Variants in HDAC9 observed in about 807,000 individuals in gnomAD.
HDAC9 encodes the protein histone deacetylase 9.
HDAC9 carries 41 observed loss-of-function variants against 139.4 expected under a neutral mutation model. The ratio of observed to expected loss-of-function variants is 0.29; its 90% CI spans 0.23 to 0.38. The LOEUF is 0.38. Ranked by LOEUF, HDAC9 falls within the 10% of genes least tolerant of loss-of-function variation. The probability of loss-of-function intolerance (pLI) is 1.00; values close to 1 mark genes in which losing one functional copy is unlikely to be tolerated. For synonymous variants in HDAC9, 517 were observed against 476.2 expected, an observed-to-expected ratio of 1.09 and a Z score of -1.12; for missense variants, 1,147 against 1,297.0, an observed-to-expected ratio of 0.88 and a Z score of 1.78.
intron 2 of HDAC9, among the ~76,000 whole-genome samples, chr7:18,218,358 C>T (rs1363649730): frequency 1.3e-5 from 2 of 152,062 alleles, no homozygotes; most frequent in East Asian, 1.9e-4. Flanking sequence ...GCATAAGAAC[C>T]ACTTGAACCT....
At position 18,725,829 on chromosome 7, in the gene HDAC9, C is replaced by A. The variant is rs148704466; in HGVS notation, c.1732-1751C>A. ...TGCTGTGTCCTCAGAACACTGAACACAAGACACTCAAGAAAACAGGAGAGT... is the reference window on the plus strand; with the variant it reads ...TGCTGTGTCCTCAGAACACTGAACAAAAGACACTCAAGAAAACAGGAGAGT... On this transcript the variant is annotated intron_variant, in intron 12 of 25. Coordinates refer to ENST00000686413, the MANE Select transcript of HDAC9 (RefSeq NM_178425.4). 3.9e-5 allele frequency among the ~76,000 whole-genome samples: 6 copies of A among 152,236 alleles called. No homozygotes were observed. In the East Asian group the frequency reaches 1.2e-3, roughly 29 times the overall value.
At chr7:18,315,803 G>A (rs1799599474) in intron 1 of HDAC9, among the ~76,000 whole-genome samples, 1 of 152,144 alleles carries the variant, frequency 6.6e-6, no homozygotes, top group Non-Finnish European at 1.5e-5. Context: ...ACAGATCCTT[G>A]TGATGATGAC....
At chr7:18,741,283 T>C (rs1341645075) in intron 13 of HDAC9, among the ~76,000 whole-genome samples, 1 of 152,224 alleles carries the variant, frequency 6.6e-6, no homozygotes, top group South Asian at 2.1e-4. Flanking sequence ...GCTGACTCTC[T>C]TGTTAGAGGC....
intron 2 of HDAC9, among the ~76,000 whole-genome samples, chr7:18,184,244 C>T (rs762127875): frequency 1.3e-5 from 2 of 152,026 alleles, no homozygotes; most frequent in Admixed American, 6.6e-5. Flanking sequence ...ACTAAAAATA[C>T]GAAGTTAGCT....
Position 18,290,841 on chromosome 7 carries a change from G to A in HDAC9, c.-42+326G>A, listed in dbSNP as rs561528780. The stretch of plus-strand genomic sequence containing the variant: ...ACTCTGATTTTTTGAAATTTAGCCC[G>A]GAATTGTCAGCAGGGGCATTATCTA... On this transcript the variant is annotated intron_variant, in intron 1 of 3. Coordinates refer to the HDAC9 transcript ENST00000413509. 2.7e-4 allele frequency among the ~76,000 whole-genome samples: 41 copies of A among 152,236 alleles called. No individual in the cohort carries two copies. In the South Asian group the frequency reaches 6.6e-3, roughly 25 times the overall value.
intron 1 of HDAC9, among the ~76,000 whole-genome samples, chr7:18,136,961 G>A (rs1785468304): frequency 6.8e-6 from 1 of 147,488 alleles, no homozygotes; most frequent in South Asian, 2.2e-4. Flanking sequence ...CCATTTGTTT[G>A]TATCCTCTTT....
chr7:18,915,273 A>G (rs1434743654), intron 22 of HDAC9, among the ~76,000 whole-genome samples: 1 of 151,992 alleles, frequency 6.6e-6, no homozygotes, highest in Non-Finnish European at 1.5e-5. Flanking sequence ...TTTAAGGTAC[A>G]TTTTTGTCTT....
chr7:18,798,211 G>A (rs1792975626), intron 17 of HDAC9, among the ~76,000 whole-genome samples: 1 of 152,120 alleles, frequency 6.6e-6, no homozygotes, highest in African/African-American at 2.4e-5. Context: ...GTAATGCCAA[G>A]TGGAATTCCA....
At chr7:18,588,448 T>G in intron 3 of HDAC9, among the ~76,000 whole-genome samples, 1 of 152,170 alleles carries the variant, frequency 6.6e-6, no homozygotes, top group East Asian at 1.9e-4. Flanking sequence ...GTCAAAAATA[T>G]AAAATTCATT....
At chr7:18,674,966 A>G (rs1026907450) in intron 12 of HDAC9, among the ~76,000 whole-genome samples, 4 of 151,944 alleles carry the variant, frequency 2.6e-5, no homozygotes, top group Admixed American at 6.6e-5. Flanking sequence ...AATATCTAGC[A>G]TACATTTTTA....
At chr7:18,245,908 A>G (rs1201462171) in intron 2 of HDAC9, among the ~76,000 whole-genome samples, 1 of 151,888 alleles carries the variant, frequency 6.6e-6, no homozygotes, top group Admixed American at 6.6e-5. Flanking sequence ...TGTTTCCAGA[A>G]GTTAGTTACC....
chr7:18,642,034 C>T (rs1411567493), intron 8 of HDAC9, among the ~76,000 whole-genome samples: 1 of 152,070 alleles, frequency 6.6e-6, no homozygotes, highest in Non-Finnish European at 1.5e-5. Flanking sequence ...TGAAAGTCTA[C>T]ATAAATGCTA....
At chr7:18,827,992 C>A (rs954466319) in intron 17 of HDAC9, among the ~76,000 whole-genome samples, 4 of 151,934 alleles carry the variant, frequency 2.6e-5, no homozygotes, top group African/African-American at 9.7e-5. Context: ...TGTTTATCAC[C>A]ATTACTAGAT....
intron 2 of HDAC9, among the ~76,000 whole-genome samples, chr7:18,204,849 C>T (rs928291670): frequency 1.3e-5 from 2 of 151,706 alleles, no homozygotes; most frequent in Non-Finnish European, 2.9e-5. Context: ...TTTTATTTTA[C>T]CATGACTATT....
intron 16 of HDAC9, among the ~76,000 whole-genome samples, chr7:18,790,328 A>C (rs1465388520): frequency 6.6e-6 from 1 of 152,194 alleles, no homozygotes; most frequent in Non-Finnish European, 1.5e-5. Flanking sequence ...TTAAGATTAA[A>C]TTAGGTCATA....
At chr7:18,198,765 A>G (rs1019809857) in intron 2 of HDAC9, among the ~76,000 whole-genome samples, 1 of 152,200 alleles carries the variant, frequency 6.6e-6, no homozygotes, top group African/African-American at 2.4e-5. Flanking sequence ...AAAAATGTGC[A>G]TGTATGTTGA....
intron 25 of HDAC9, among the ~76,000 whole-genome samples, chr7:18,993,232 TAATC>T: frequency 6.7e-6 from 1 of 149,518 alleles, no homozygotes; most frequent in African/African-American, 2.5e-5. Flanking sequence ...CAGATATAAA[TAATC>T]CAGTTATTTT....
intron 1 of HDAC9, among the ~76,000 whole-genome samples, chr7:18,088,936 G>A (rs1781967764): frequency 6.6e-6 from 1 of 152,344 alleles, no homozygotes; most frequent in Non-Finnish European, 1.5e-5. Flanking sequence ...CACATTTGAA[G>A]AAGAGCAGCA....
chr7:18,779,257 A>G (rs527402185), intron 16 of HDAC9, among the ~76,000 whole-genome samples: 3 of 152,160 alleles, frequency 2.0e-5, no homozygotes, highest in Non-Finnish European at 2.9e-5. Context: ...GCTCCATTTC[A>G]AGACTCTCAG....
Sources: gnomAD v4.1 joint callset for allele counts (sites outside exome capture counted in the v4.1 genomes callset) on GRCh38, gnomAD v4.1.1 for gene constraint, MANE v1.5 for transcripts, NCBI Gene and HGNC (gene_info 2026-07-23, HGNC 2026-07-21) for gene names.